Variants in EGFLAM observed in about 807,000 individuals in gnomAD.
EGFLAM encodes the protein EGF like, fibronectin type III and laminin G domains, also known as pikachurin.
A neutral mutation model predicts 113.1 loss-of-function variants in EGFLAM; 79 were observed. The ratio of observed to expected loss-of-function variants is 0.70; its 90% CI spans 0.58 to 0.84. EGFLAM has a LOEUF of 0.84. Among genes scored for constraint, EGFLAM ranks in the 40% least tolerant of loss-of-function variants. EGFLAM has a pLI of 0.00. For synonymous variants in EGFLAM, 504 were observed against 487.6 expected (o/e 1.03, Z -0.44); for missense variants, 1,265 against 1,291.6 (o/e 0.98, Z 0.32).
intron 19 of EGFLAM, among the ~76,000 whole-genome samples, chr5:38,455,624 G>A (rs1052516314): frequency 3.3e-5 from 5 of 152,128 alleles, no homozygotes; most frequent in Admixed American, 1.3e-4. Context: ...GTATCAGCAC[G>A]TCAGAGGAAG....
chr5:38,427,137 G>A lies in EGFLAM; in HGVS notation c.1939G>A (p.Asp647Asn), dbSNP rs773508165. 6.2e-6 allele frequency: 10 copies of A among 1,614,136 alleles called. No homozygotes were observed. Among genetic ancestry groups the A allele is most frequent in the Non-Finnish European group, 8.5e-6 (10 of 1,180,038 alleles). The stretch of plus-strand genomic sequence containing the variant: ...GATCACATTTCGGCCAGACTCAGGA[G>A]ATGGTGTCCTCCTGTACAGCTATGA... ...FEITFRPDSG[D>N]GVLLYSYDTG... Residue 647 changes from aspartate to asparagine, a missense_variant, in exon 14 of 22, where the codon GAT (aspartate) becomes AAT (asparagine). By Grantham distance (23) the Asp-to-Asn change is conservative. Coordinates refer to ENST00000322350, the MANE Select transcript of EGFLAM (RefSeq NM_152403.4).
At position 38,357,864 on chromosome 5, in the gene EGFLAM, C is replaced by CTTTT. The variant is rs796951086; in HGVS notation, c.545+5546_545+5549dup. 6.1e-3 allele frequency among the ~76,000 whole-genome samples: 712 copies of CTTTT among 115,782 alleles called. 8 individuals are homozygous for CTTTT. The highest frequency in any genetic ancestry group is 0.04 in the East Asian group (160 of 3,990). 76.0% of individuals were successfully genotyped at this position (115,782 alleles called of 152,430 possible). On this transcript the variant is annotated intron_variant, in intron 5 of 21. Coordinates refer to ENST00000322350, the MANE Select transcript of EGFLAM (RefSeq NM_152403.4). Reference sequence around the variant, plus strand: ...GTTAGGAGATAGTCTAACAAATTTTCTTTTTTTTTTTTTTTTGATATTGAG... The same window carrying CTTTT: ...GTTAGGAGATAGTCTAACAAATTTTCTTTTTTTTTTTTTTTTTTTTGATATTGAG...
At position 38,412,513 on chromosome 5, in the gene EGFLAM, T is replaced by G. The variant is rs1243444836; in HGVS notation, c.1359T>G (p.Cys453Trp). ...TTTTCCTCCCCAACAGGTTTAATTG[T>G]GGAACTGGGGTTGCCATCATCGTAA... Reference protein sequence around the residue: ...IRRSLQFRFNCGTGVAIIVSE... With the variant: ...IRRSLQFRFNWGTGVAIIVSE... Residue 453 changes from cysteine (C) to tryptophan (W), a missense_variant, in exon 11 of 22, where the codon TGT (cysteine) becomes TGG (tryptophan). Cys to Trp is a radical substitution (Grantham distance 215, BLOSUM62 -2). Transcript: ENST00000322350. The G allele has an allele frequency of 6.2e-7, 1 of 1,614,164 alleles. No individual in the cohort carries two copies. Among genetic ancestry groups the G allele is most frequent in the Admixed American group, 1.7e-5 (1 of 60,022 alleles).
At chr5:38,347,134 A>AGGCCTG (rs1336550768) in intron 3 of EGFLAM, among the ~76,000 whole-genome samples, 31 of 152,160 alleles carry the variant, frequency 2.0e-4, no homozygotes, top group Admixed American at 2.0e-3. Flanking sequence ...TGCTAATCCA[A>AGGCCTG]GGCCTGGGGC....
rs1285836039 is a variant in EGFLAM at position 38,412,501 on chromosome 5, C to T, written c.1350-3C>T. The T allele has an allele frequency of 2.5e-6, 4 of 1,614,134 alleles. No individual in the cohort carries two copies. Among genetic ancestry groups the T allele is most frequent in the East Asian group, 2.2e-5 (1 of 44,870 alleles). On this transcript the variant is annotated splice_polypyrimidine_tract_variant and splice_region_variant and intron_variant, in intron 10 of 21. Coordinates refer to ENST00000322350, the MANE Select transcript of EGFLAM (RefSeq NM_152403.4). ...ATCTTCTTTTCCTTTTCCTCCCCAA[C>T]AGGTTTAATTGTGGAACTGGGGTTG...
chr5:38,341,337 G>A (rs1739331189), intron 3 of EGFLAM, among the ~76,000 whole-genome samples: 1 of 152,190 alleles, frequency 6.6e-6, no homozygotes, highest in African/African-American at 2.4e-5. Flanking sequence ...TCTTCACAGG[G>A]CAGCAGGAGA....
At chr5:38,447,021 ATTTC>A (rs1742735786) in intron 17 of EGFLAM, among the ~76,000 whole-genome samples, 1 of 151,990 alleles carries the variant, frequency 6.6e-6, no homozygotes, top group African/African-American at 2.4e-5. Context: ...CATTTTGTAC[ATTTC>A]TTTGAATTTG....
rs138639675 is a variant in EGFLAM at position 38,310,968 on chromosome 5, T to C, written c.98-26552T>C. On this transcript the variant is annotated intron_variant, in intron 1 of 21. Transcript: ENST00000322350. Reference sequence around the variant, plus strand: ...GCAGGGGTCAGCACCTACCCCGTCCTTAATCTCCCACTGCCCTGCGACCCT... The same window carrying C: ...GCAGGGGTCAGCACCTACCCCGTCCCTAATCTCCCACTGCCCTGCGACCCT... 1.5e-4 allele frequency among the ~76,000 whole-genome samples: 23 copies of C among 152,176 alleles called. No homozygotes were observed. In the East Asian group the frequency reaches 4.1e-3, roughly 27 times the overall value.
intron 1 of EGFLAM, among the ~76,000 whole-genome samples, chr5:38,273,040 A>G (rs1434426247): frequency 1.3e-5 from 2 of 152,202 alleles, no homozygotes; most frequent in African/African-American, 4.8e-5. Flanking sequence ...CAAGAGCTAG[A>G]GAAACCAGGT....
At chr5:38,412,785 T>C (rs1050770411) in intron 11 of EGFLAM, 137 bp downstream of exon 11, 249 of 1,336,296 alleles carry the variant, frequency 1.9e-4, no homozygotes, top group Non-Finnish European at 2.3e-4. Flanking sequence ...CTATTTCTCA[T>C]GGTGAACCCA....
At chr5:38,406,051 G>A in intron 6 of EGFLAM, 75 bp from the exon 7 acceptor site, 1 of 1,145,206 alleles carries the variant, frequency 8.7e-7, no homozygotes, top group South Asian at 1.2e-5. Flanking sequence ...AGCTCTGCCT[G>A]TGGCTGAGTT....
chr5:38,291,325 T>TGGCTGACCTTCCCAAAGGTCACACTGAA, intron 1 of EGFLAM, among the ~76,000 whole-genome samples: 1 of 152,366 alleles, frequency 6.6e-6, no homozygotes, highest in East Asian at 1.9e-4. Context: ...CGGCCCATGT[T>TGGCTGACCTTCCCAAAGGTCACACTGAA]GGCTGACCTT....
At chr5:38,390,776 C>T (rs2058631746) in intron 6 of EGFLAM, among the ~76,000 whole-genome samples, 2 of 152,030 alleles carry the variant, frequency 1.3e-5, no homozygotes, top group Admixed American at 6.6e-5. Context: ...TATTAGTCAT[C>T]CTATGAATGG....
intron 1 of EGFLAM, among the ~76,000 whole-genome samples, chr5:38,323,471 T>G (rs1738791531): frequency 6.6e-6 from 1 of 152,230 alleles, no homozygotes; most frequent in South Asian, 2.1e-4. Flanking sequence ...GAACACAGCT[T>G]CAGGGCATAT....
At position 38,455,906 on chromosome 5, in the gene EGFLAM, C is replaced by G. The variant is rs115471943; in HGVS notation, c.2688-2405C>G. Among the ~76,000 whole-genome samples the G allele has an allele frequency of 6.1e-3, 934 of 152,328 alleles. 5 individuals carry two copies. The highest frequency in any genetic ancestry group is 0.01 in the Non-Finnish European group (688 of 68,032). On this transcript the variant is annotated intron_variant, in intron 19 of 21. Coordinates refer to ENST00000322350, the MANE Select transcript of EGFLAM (RefSeq NM_152403.4). ...CACTGCACCACAATCATGTTCCAAT[C>G]CAGCCTCCCTTCACGTACACAGCCA...
intron 3 of EGFLAM, among the ~76,000 whole-genome samples, chr5:38,339,850 A>G (rs1006268091): frequency 1.3e-5 from 2 of 152,202 alleles, no homozygotes; most frequent in African/African-American, 2.4e-5. Flanking sequence ...TAAGCTCAAA[A>G]TAGACTTTTG....
chr5:38,275,324 C>A (rs1757860827), intron 1 of EGFLAM, among the ~76,000 whole-genome samples: 1 of 152,126 alleles, frequency 6.6e-6, no homozygotes, highest in African/African-American at 2.4e-5. Flanking sequence ...TTATAAGAGG[C>A]TCACTTCACC....
In EGFLAM at chr5:38,412,652, T is replaced by A; in HGVS notation, c.1494+4T>A. The A allele has an allele frequency of 6.2e-7, 1 of 1,613,354 alleles. No individual in the cohort carries two copies. The highest frequency in any genetic ancestry group is 8.5e-7 in the Non-Finnish European group (1 of 1,179,908). On this transcript the variant is annotated splice_donor_region_variant and intron_variant, in intron 11 of 21. Coordinates refer to ENST00000322350, the MANE Select transcript of EGFLAM (RefSeq NM_152403.4). ...CCCAGTGACAGGCCAGTCTCAGGTA[T>A]GTATGAGCCCCACACCCTGCCCACC...
intron 13 of EGFLAM, 78 bp from the exon 14 acceptor site, chr5:38,426,931 G>A: frequency 6.4e-7 from 1 of 1,566,614 alleles, no homozygotes. Flanking sequence ...ACCCAGGAGG[G>A]AAAGAACACA....
Sources: gnomAD v4.1 joint callset for allele counts (sites outside exome capture counted in the v4.1 genomes callset) on GRCh38, gnomAD v4.1.1 for gene constraint, MANE v1.5 for transcripts, NCBI Gene and HGNC (gene_info 2026-07-23, HGNC 2026-07-21) for gene names.